Variants in SRGAP3 observed in about 807,000 individuals in gnomAD.
SRGAP3 encodes SLIT-ROBO Rho GTPase activating protein 3.
SRGAP3 carries 39 observed loss-of-function variants against 121.1 expected under a neutral mutation model. The ratio of observed to expected loss-of-function variants is 0.32; its 90% CI spans 0.25 to 0.42. The LOEUF is 0.42. Among genes scored for constraint, SRGAP3 ranks in the 10% least tolerant of loss-of-function variants. SRGAP3 has a pLI of 1.00. For synonymous variants in SRGAP3, 601 were observed against 570.0 expected (o/e 1.05, Z -0.77); for missense variants, 1,213 against 1,470.6 (o/e 0.82, Z 2.86).
chr3:9,013,982 T>A (rs761722747), intron 15 of SRGAP3, 140 bp from the exon 16 acceptor site: 2 of 788,668 alleles, frequency 2.5e-6, no homozygotes, highest in Non-Finnish European at 4.4e-6. Flanking sequence ...TCACAGGTGA[T>A]CCTGGCCTGG....
chr3:9,043,727 AT>A (rs1303299361), intron 10 of SRGAP3, among the ~76,000 whole-genome samples: 1 of 152,042 alleles, frequency 6.6e-6, no homozygotes. Flanking sequence ...TGGTTCAGTA[AT>A]TTTCTAGAAA....
At position 9,032,617 on chromosome 3, in the gene SRGAP3, C is replaced by A. The variant is rs749409225; in HGVS notation, c.1539+33G>T. 1.1e-5 allele frequency: 18 copies of A among 1,590,348 alleles called. No individual in the cohort carries two copies. The East Asian group carries it at 4.0e-4, about 36-fold the overall frequency. On this transcript the variant is annotated intron_variant, in intron 12 of 21. Transcript: ENST00000383836. ...ACAGAGGCTGCCATTACATTGGGTG[C>A]ATTCGCGGACTCCACGGCTCCCCAG...
intron 1 of SRGAP3, among the ~76,000 whole-genome samples, chr3:9,340,901 C>G (rs1253482833): frequency 2.0e-5 from 3 of 152,138 alleles, no homozygotes; most frequent in Non-Finnish European, 4.4e-5. Flanking sequence ...GCTGCTATAA[C>G]GAAATGCCAT....
chr3:9,221,793 G>A (rs757144569), intron 1 of SRGAP3, among the ~76,000 whole-genome samples: 19 of 152,186 alleles, frequency 1.2e-4, no homozygotes, highest in South Asian at 2.1e-4. Flanking sequence ...GGTGCTCAAC[G>A]TCTATGCAGC....
At chr3:9,215,669 A>G (rs1952593962) in intron 1 of SRGAP3, among the ~76,000 whole-genome samples, 1 of 152,238 alleles carries the variant, frequency 6.6e-6, no homozygotes, top group South Asian at 2.1e-4. Flanking sequence ...GGCCCTGAAT[A>G]GAACACAAAG....
chr3:9,173,443 A>T (rs1327394460), intron 1 of SRGAP3, among the ~76,000 whole-genome samples: 1 of 152,196 alleles, frequency 6.6e-6, no homozygotes, highest in African/African-American at 2.4e-5. Flanking sequence ...ATAAAATAAA[A>T]CAGTTCCTGC....
At chr3:9,238,331 G>A (rs1188552403) in intron 1 of SRGAP3, among the ~76,000 whole-genome samples, 1 of 152,168 alleles carries the variant, frequency 6.6e-6, no homozygotes, top group Non-Finnish European at 1.5e-5. Context: ...CAGTCAGGGA[G>A]GGCATTCTGT....
At chr3:9,058,136 T>A in intron 7 of SRGAP3, 115 bp downstream of exon 7, 1 of 1,134,008 alleles carries the variant, frequency 8.8e-7, no homozygotes, top group South Asian at 1.3e-5. Context: ...ACCAGGAGCT[T>A]GACCCCAGGC....
chr3:9,160,888 T>C (rs74934071), intron 1 of SRGAP3, among the ~76,000 whole-genome samples: 4,182 of 152,206 alleles, frequency 0.027, 197 homozygotes, highest in African/African-American at 0.095. Context: ...CCAAAATAAA[T>C]AATGATTGTA....
At position 9,129,430 on chromosome 3, in the gene SRGAP3, T is replaced by G. The variant is rs1227483086; in HGVS notation, c.68-4513A>C. ...CTTAAAATGTGTGAAGCAGAAGAGA[T>G]ATTTTTCTTTCCAAAGTTCATGTAG... On this transcript the variant is annotated intron_variant, in intron 1 of 21. Transcript: ENST00000383836. 2.0e-5 allele frequency among the ~76,000 whole-genome samples: 3 copies of G among 149,320 alleles called. No individual in the cohort carries two copies. The Admixed American group carries it at 2.0e-4, about 10-fold the overall frequency.
At chr3:9,015,998 A>G (rs909411388) in intron 14 of SRGAP3, 1 of 500,686 alleles carries the variant, frequency 2.0e-6, no homozygotes, top group Non-Finnish European at 3.6e-6. Flanking sequence ...GCCACATTTG[A>G]TTTCTCGCTC....
At chr3:9,339,621 G>A (rs866400893) in intron 1 of SRGAP3, among the ~76,000 whole-genome samples, 1 of 152,212 alleles carries the variant, frequency 6.6e-6, no homozygotes, top group African/African-American at 2.4e-5. Flanking sequence ...TCCAGAAGGG[G>A]ATGCAGATTA....
chr3:9,147,493 G>A (rs918926444), intron 1 of SRGAP3, among the ~76,000 whole-genome samples: 1 of 152,076 alleles, frequency 6.6e-6, no homozygotes, highest in African/African-American at 2.4e-5. Context: ...GCCACAACCT[G>A]AGCCCCGGAC....
intron 8 of SRGAP3, 57 bp downstream of exon 8, chr3:9,056,176 T>A: frequency 6.4e-7 from 1 of 1,570,834 alleles, no homozygotes; most frequent in Middle Eastern, 1.7e-4. Flanking sequence ...GTGGACTCCC[T>A]GGGACAAGCC....
At chr3:9,283,271 G>C (rs1226991962) in intron 3 of SRGAP3, among the ~76,000 whole-genome samples, 2 of 152,134 alleles carry the variant, frequency 1.3e-5, no homozygotes, top group Admixed American at 6.5e-5. Flanking sequence ...GTTGCATGTA[G>C]AATCTGAAAC....
chr3:9,200,740 C>T (rs570768184), intron 1 of SRGAP3, among the ~76,000 whole-genome samples: 10 of 152,314 alleles, frequency 6.6e-5, no homozygotes, highest in South Asian at 2.1e-4. Context: ...CCAAAGACCA[C>T]GTACATCAAT....
At chr3:9,089,307 G>GGGGGGGGGGGGC (rs1947644592) in intron 3 of SRGAP3, among the ~76,000 whole-genome samples, 1 of 85,132 alleles carries the variant, frequency 1.2e-5, no homozygotes, top group African/African-American at 4.0e-5. Flanking sequence ...GGGGGGGGGG[G>GGGGGGGGGGGGC]GCTGGAGGCT....
intron 1 of SRGAP3, among the ~76,000 whole-genome samples, chr3:9,140,901 C>T (rs1315306907): frequency 6.6e-6 from 1 of 152,214 alleles, no homozygotes; most frequent in African/African-American, 2.4e-5. Context: ...GATCATACCA[C>T]AGTGAGATGT....
chr3:9,311,691 G>T (rs1262101142), intron 3 of SRGAP3, among the ~76,000 whole-genome samples: 1 of 152,148 alleles, frequency 6.6e-6, no homozygotes, highest in South Asian at 2.1e-4. Context: ...GCCCTTCTTA[G>T]AACTTACAGG....
Sources: allele counts gnomAD v4.1 joint callset (sites outside exome capture counted in the v4.1 genomes callset), GRCh38; gene constraint gnomAD v4.1.1; transcripts MANE v1.5; gene names NCBI Gene and HGNC (gene_info 2026-07-23, HGNC 2026-07-21).